Variants in RCAN2 observed in about 807,000 individuals in gnomAD.
RCAN2 encodes the protein calcipressin-2.
A neutral mutation model predicts 23.6 loss-of-function variants in RCAN2; 9 were observed. That is an observed-to-expected ratio of 0.38 (90% CI 0.23 to 0.67). The LOEUF is 0.67. Among genes scored for constraint, RCAN2 ranks in the 30% least tolerant of loss-of-function variants. The pLI, the probability that RCAN2 is intolerant of heterozygous loss-of-function variation, is 0.51. For missense variants in RCAN2, 273 were observed against 302.3 expected, an observed-to-expected ratio of 0.90 and a Z score of 0.72; for synonymous variants, 109 against 115.7, an observed-to-expected ratio of 0.94 and a Z score of 0.37.
intron 2 of RCAN2, among the ~76,000 whole-genome samples, chr6:46,433,480 A>T (rs1291808490): frequency 1.3e-5 from 2 of 152,238 alleles, no homozygotes; most frequent in African/African-American, 4.8e-5. Flanking sequence ...TCCAGGTGTA[A>T]CACAAAGCTA....
intron 1 of RCAN2, among the ~76,000 whole-genome samples, chr6:46,482,444 G>A (rs1250209146): frequency 6.6e-6 from 1 of 152,060 alleles, no homozygotes; most frequent in African/African-American, 2.4e-5. Flanking sequence ...CCATGATCTG[G>A]GATTGTGTTT....
At chr6:46,389,782 C>T (rs1003691256) in intron 2 of RCAN2, among the ~76,000 whole-genome samples, 2 of 152,154 alleles carry the variant, frequency 1.3e-5, no homozygotes, top group Admixed American at 6.5e-5. Context: ...ACCGTCTTTA[C>T]GGCAGCCAAC....
chr6:46,256,641 T>G (rs1766927416), intron 2 of RCAN2, among the ~76,000 whole-genome samples: 1 of 152,238 alleles, frequency 6.6e-6, no homozygotes, highest in South Asian at 2.1e-4. Context: ...AGGCTTACTG[T>G]GGTTTTCCTT....
At chr6:46,417,195 T>C (rs963074366) in intron 2 of RCAN2, among the ~76,000 whole-genome samples, 1 of 152,198 alleles carries the variant, frequency 6.6e-6, no homozygotes, top group Non-Finnish European at 1.5e-5. Flanking sequence ...TGCTGTATTG[T>C]CCAACAGCTT....
intron 2 of RCAN2, among the ~76,000 whole-genome samples, chr6:46,413,686 G>T (rs1439422780): frequency 1.3e-5 from 2 of 152,226 alleles, no homozygotes; most frequent in African/African-American, 4.8e-5. Flanking sequence ...CCTGCCTCCT[G>T]TCTTTGCTTC....
chr6:46,490,142 G>T (rs1373964055), intron 1 of RCAN2, among the ~76,000 whole-genome samples: 2 of 152,214 alleles, frequency 1.3e-5, no homozygotes, highest in African/African-American at 4.8e-5. Context: ...CACTGTTAAA[G>T]TTGTCCTACA....
At chr6:46,322,824 T>C (rs531677349) in intron 2 of RCAN2, among the ~76,000 whole-genome samples, 181 of 152,358 alleles carry the variant, frequency 1.2e-3, no homozygotes, top group African/African-American at 4.1e-3. Context: ...ACAGATACCT[T>C]TGGGGAAGCT....
At chr6:46,423,037 G>A (rs932692032) in intron 2 of RCAN2, among the ~76,000 whole-genome samples, 6 of 152,142 alleles carry the variant, frequency 3.9e-5, no homozygotes, top group Non-Finnish European at 8.8e-5. Flanking sequence ...AGAGGATCCA[G>A]AGGACCTTGG....
intron 4 of RCAN2, among the ~76,000 whole-genome samples, chr6:46,227,219 G>T (rs989257689): frequency 2.0e-5 from 3 of 152,166 alleles, no homozygotes; most frequent in Admixed American, 6.5e-5. Flanking sequence ...TTGCATTGAT[G>T]TTCATCAGGG....
chr6:46,486,117 C>T (rs2150449832), intron 1 of RCAN2, among the ~76,000 whole-genome samples: 1 of 152,288 alleles, frequency 6.6e-6, no homozygotes, highest in Middle Eastern at 3.4e-3. Flanking sequence ...ACTCATAGTA[C>T]ATCACCCTCA....
intron 2 of RCAN2, among the ~76,000 whole-genome samples, chr6:46,403,631 G>T (rs1188592619): frequency 1.3e-5 from 2 of 151,744 alleles, no homozygotes; most frequent in East Asian, 3.9e-4. Flanking sequence ...CTTGATCCTG[G>T]ATCTTCAGGC....
intron 2 of RCAN2, among the ~76,000 whole-genome samples, chr6:46,277,570 T>C (rs76804781): frequency 0.013 from 1,816 of 135,922 alleles, 11 homozygotes; most frequent in Non-Finnish European, 0.019. Context: ...TAAACATTCA[T>C]TGACTTCACT....
At chr6:46,424,807 G>A (rs116781986) in intron 2 of RCAN2, among the ~76,000 whole-genome samples, 2 of 152,030 alleles carry the variant, frequency 1.3e-5, no homozygotes, top group East Asian at 3.9e-4. Flanking sequence ...ATATAACAAG[G>A]TTAGCACATA....
At chr6:46,328,799 T>C (rs760281896) in intron 2 of RCAN2, among the ~76,000 whole-genome samples, 6 of 152,116 alleles carry the variant, frequency 3.9e-5, no homozygotes, top group African/African-American at 9.7e-5. Flanking sequence ...TTAGAAGAGA[T>C]GGGGTTTCAC....
At chr6:46,309,576 G>T (rs145274819) in intron 2 of RCAN2, among the ~76,000 whole-genome samples, 11 of 152,204 alleles carry the variant, frequency 7.2e-5, no homozygotes, top group African/African-American at 1.2e-4. Flanking sequence ...GCTTAGGTTG[G>T]TGCTCAAGGT....
chr6:46,340,851 C>A (rs1452002558), intron 2 of RCAN2, among the ~76,000 whole-genome samples: 1 of 152,158 alleles, frequency 6.6e-6, no homozygotes, highest in African/African-American at 2.4e-5. Flanking sequence ...GAAACAGAAG[C>A]AAGAGGATTT....
intron 2 of RCAN2, among the ~76,000 whole-genome samples, chr6:46,416,122 C>G (rs185211331): frequency 6.6e-6 from 1 of 151,990 alleles, no homozygotes; most frequent in Non-Finnish European, 1.5e-5. Context: ...GGATTCAGAA[C>G]CCATGGATAC....
chr6:46,241,098 T>C (rs1237198556), intron 4 of RCAN2, among the ~76,000 whole-genome samples: 2 of 152,204 alleles, frequency 1.3e-5, no homozygotes, highest in Non-Finnish European at 2.9e-5. Context: ...GAATAAAGGC[T>C]GGCATTTTGC....
intron 2 of RCAN2, among the ~76,000 whole-genome samples, chr6:46,266,063 A>G (rs1265989065): frequency 2.0e-5 from 3 of 152,192 alleles, no homozygotes; most frequent in Admixed American, 6.5e-5. Flanking sequence ...CTAAATATGC[A>G]TTATCTCAGG....
Sources: allele counts gnomAD v4.1 joint callset (sites outside exome capture counted in the v4.1 genomes callset), GRCh38; gene constraint gnomAD v4.1.1; transcripts MANE v1.5; gene names NCBI Gene and HGNC (gene_info 2026-07-23, HGNC 2026-07-21).